Variants in CDH2 observed in about 807,000 individuals in gnomAD.
The protein encoded by CDH2 is cadherin-2.
Under a neutral mutation model 92.0 loss-of-function variants are expected in CDH2, and 17 were observed. The observed-to-expected ratio is 0.18, with a 90% CI of 0.13 to 0.28. The LOEUF (loss-of-function observed/expected upper bound fraction) is 0.28, where lower values mean the gene tolerates loss of function less well. Ranked by LOEUF, CDH2 falls within the 10% of genes least tolerant of loss-of-function variation. The pLI, the probability that CDH2 is intolerant of heterozygous loss-of-function variation, is 1.00. For missense variants in CDH2, 862 were observed against 1,133.1 expected (o/e 0.76, Z 3.44); for synonymous variants, 419 against 415.9 (o/e 1.01, Z -0.09).
chr18:27,954,168 A>G (rs1909598484), intron 15 of CDH2, among the ~76,000 whole-genome samples: 1 of 152,194 alleles, frequency 6.6e-6, no homozygotes, highest in Admixed American at 6.5e-5. Flanking sequence ...ATACAACATA[A>G]ATAACTTTAG....
Position 28,147,784 on chromosome 18 carries a change from C to T in CDH2, c.61G>A (p.Ala21Thr), listed in dbSNP as rs17495042. ...ATTTCACCAGAAGCCTCTACAGACGCCTGCAACACAAGAAAAAAAAAAAAA... is the reference window on the plus strand; with the variant it reads ...ATTTCACCAGAAGCCTCTACAGACGTCTGCAACACAAGAAAAAAAAAAAAA... ...LLPLLAALLQ[A>T]SVEASGEIAL... Residue 21 changes from alanine to threonine, a missense_variant and splice_region_variant, in exon 2 of 16, where the codon GCG becomes ACG. Ala to Thr is a moderately conservative substitution (Grantham distance 58, BLOSUM62 0). This residue lies in a region of CDH2 where 159 missense variants were observed against 177.2 expected (regional missense o/e 0.90). Transcript: ENST00000269141. 2,368 of 1,560,800 alleles carry T rather than the reference C, an allele frequency of 1.5e-3. 23 individuals carry two copies. The African/African-American group carries it at 0.025, about 16-fold the overall frequency.
chr18:28,027,647 AC>A (rs1410858418), intron 2 of CDH2, among the ~76,000 whole-genome samples: 1 of 152,174 alleles, frequency 6.6e-6, no homozygotes, highest in Non-Finnish European at 1.5e-5. Flanking sequence ...ATATTAAACT[AC>A]TGGGAAAGCA....
At chr18:28,088,362 G>A (rs2014974841) in intron 2 of CDH2, among the ~76,000 whole-genome samples, 1 of 152,136 alleles carries the variant, frequency 6.6e-6, no homozygotes, top group South Asian at 2.1e-4. Context: ...ACATACGTAA[G>A]CCCTGAACAC....
intron 2 of CDH2, among the ~76,000 whole-genome samples, chr18:28,133,521 G>T (rs1452240933): frequency 1.4e-5 from 2 of 145,444 alleles, no homozygotes; most frequent in Non-Finnish European, 3.0e-5. Context: ...GGCGGAGGTT[G>T]CAGTGAGCCG....
intron 5 of CDH2, 73 bp from the exon 6 acceptor site, chr18:28,006,066 C>T: frequency 1.3e-5 from 15 of 1,198,738 alleles, no homozygotes; most frequent in Non-Finnish European, 1.7e-5. Flanking sequence ...CATCATAAGG[C>T]TACAAAAATA....
Position 28,005,834 on chromosome 18 carries a change from T to G in CDH2, c.847+15A>C. On this transcript the variant is annotated intron_variant, in intron 6 of 15. Coordinates refer to ENST00000269141, the MANE Select transcript of CDH2 (RefSeq NM_001792.5). ...TTTCCTCAAGTCATCTTCAAATTAT[T>G]ATCTTTAAACTTACCAGGCTTTGAT... is the stretch of plus-strand genomic sequence containing the variant. 1 of 1,592,514 alleles carries G rather than the reference T, an allele frequency of 6.3e-7. No homozygotes were observed. Among genetic ancestry groups the G allele is most frequent in the African/African-American group, 1.3e-5 (1 of 74,646 alleles).
Position 27,952,091 on chromosome 18 carries a change from C to T in CDH2, c.*62G>A. 1.4e-6 allele frequency: 2 copies of T among 1,403,504 alleles called. No homozygotes were observed. The highest frequency in any genetic ancestry group is 2.3e-5 in the South Asian group (2 of 86,648). The allele number at this position is 1,403,504 out of a possible 1,614,324, so 86.9% of individuals were successfully genotyped here. On this transcript the variant is annotated 3_prime_UTR_variant, in exon 16 of 16. Transcript: ENST00000269141. ...AAAGTTAAAGCCTAGCTTCTGAATG[C>T]TTTTTGGGAATATCAGTTGAAATTG... is the stretch of plus-strand genomic sequence containing the variant.
intron 2 of CDH2, chr18:28,096,947 T>G (rs1227393423): frequency 2.6e-5 from 4 of 152,234 alleles, no homozygotes; most frequent in African/African-American, 9.6e-5. Context: ...TATGCAAATT[T>G]TTAGCAGTAG....
chr18:27,958,783 G>T (rs898509355), intron 15 of CDH2, among the ~76,000 whole-genome samples: 2 of 152,070 alleles, frequency 1.3e-5, no homozygotes, highest in Non-Finnish European at 2.9e-5. Context: ...TCATGGGGAC[G>T]GTTACCCCTA....
At chr18:27,991,700 ACAGACAG>A (rs1391738969) in intron 9 of CDH2, among the ~76,000 whole-genome samples, 4 of 152,196 alleles carry the variant, frequency 2.6e-5, no homozygotes, top group Non-Finnish European at 4.4e-5. Flanking sequence ...GGACTCTAAC[ACAGACAG>A]CAGACTCAAG....
chr18:28,110,487 G>T lies in CDH2; in HGVS notation c.172+37186C>A, dbSNP rs998708868. The stretch of plus-strand genomic sequence containing the variant: ...AGTTGACTGCGGCCAAATGCACACA[G>T]CAATGGCCAATTCTCATTGCAAAAG... On this transcript the variant is annotated intron_variant, in intron 2 of 15. Transcript: ENST00000269141. Among the ~76,000 whole-genome samples, 4 of 152,204 alleles carry T rather than the reference G, an allele frequency of 2.6e-5. No individual in the cohort carries two copies. The East Asian group carries it at 5.8e-4, about 22-fold the overall frequency.
intron 2 of CDH2, among the ~76,000 whole-genome samples, chr18:28,038,422 A>AGTGTGTGTGT (rs57601293): frequency 8.3e-4 from 118 of 142,374 alleles, no homozygotes; most frequent in African/African-American, 1.8e-3. Context: ...CCTTGTCTCA[A>AGTGTGTGTGT]GTGTGTGTGT....
At chr18:28,036,058 G>C (rs2013818347) in intron 2 of CDH2, among the ~76,000 whole-genome samples, 1 of 152,088 alleles carries the variant, frequency 6.6e-6, no homozygotes. Flanking sequence ...TATTTGGCTT[G>C]TAAATGTTAA....
At chr18:28,129,911 A>G (rs2015738712) in intron 2 of CDH2, among the ~76,000 whole-genome samples, 1 of 152,210 alleles carries the variant, frequency 6.6e-6, no homozygotes, top group African/African-American at 2.4e-5. Flanking sequence ...GGACATCTAG[A>G]ACTACATAAG....
chr18:27,956,507 C>T (rs1387159903), intron 15 of CDH2, among the ~76,000 whole-genome samples: 1 of 152,192 alleles, frequency 6.6e-6, no homozygotes, highest in African/African-American at 2.4e-5. Flanking sequence ...TTACTGTTTC[C>T]TTTACATTCT....
intron 2 of CDH2, among the ~76,000 whole-genome samples, chr18:28,026,577 G>C (rs762737115): frequency 6.6e-6 from 1 of 152,100 alleles, no homozygotes; most frequent in Non-Finnish European, 1.5e-5. Flanking sequence ...TCATTCTCTT[G>C]ATACCTGGAA....
chr18:28,122,810 A>C (rs1053408470), intron 2 of CDH2, among the ~76,000 whole-genome samples: 4 of 152,156 alleles, frequency 2.6e-5, no homozygotes, highest in Non-Finnish European at 5.9e-5. Context: ...TATGAGTATA[A>C]ACATTTTCTT....
intron 6 of CDH2, among the ~76,000 whole-genome samples, chr18:27,940,564 G>C (rs1278728888): frequency 1.3e-5 from 2 of 152,090 alleles, no homozygotes; most frequent in Non-Finnish European, 2.9e-5. Flanking sequence ...ATGCTCATTT[G>C]AGGAGCCATG....
intron 2 of CDH2, among the ~76,000 whole-genome samples, chr18:28,079,774 T>C (rs182850391): frequency 1.3e-5 from 2 of 152,278 alleles, no homozygotes; most frequent in East Asian, 3.9e-4. Context: ...GGACACTTTG[T>C]TCTAGCATGT....
Sources: gnomAD v4.1 joint callset for allele counts (sites outside exome capture counted in the v4.1 genomes callset) on GRCh38, gnomAD v4.1.1 for gene constraint, gnomAD v4.1.1 regional missense constraint, MANE v1.5 for transcripts, NCBI Gene and HGNC (gene_info 2026-07-23, HGNC 2026-07-21) for gene names.